The following ASB15 variants were observed in gnomAD, a reference collection of about 807,000 sequenced individuals.
ASB15 encodes the protein ankyrin repeat and SOCS box protein 15.
A neutral mutation model predicts 58.0 loss-of-function variants in ASB15; 54 were observed. The ratio of observed to expected loss-of-function variants is 0.93; its 90% confidence interval spans 0.75 to 1.17. The LOEUF (loss-of-function observed/expected upper bound fraction) is 1.17, where lower values mean the gene tolerates loss of function less well. Among genes scored for constraint, ASB15 ranks in the 50% most tolerant of loss-of-function variants. The pLI is 0.00. For synonymous variants in ASB15, 249 were observed against 262.4 expected (o/e 0.95, Z 0.50); for missense variants, 680 against 707.4 (o/e 0.96, Z 0.44).
intron 7 of ASB15, among the ~76,000 whole-genome samples, chr7:123,618,188 G>C (rs1800950904): frequency 6.6e-6 from 1 of 152,200 alleles, no homozygotes; most frequent in African/African-American, 2.4e-5. Flanking sequence ...CAGATGCAGA[G>C]CATGGCACCT....
At chr7:123,589,556 T>C (rs1799473840) in intron 1 of ASB15, among the ~76,000 whole-genome samples, 1 of 151,958 alleles carries the variant, frequency 6.6e-6, no homozygotes, top group African/African-American at 2.4e-5. Flanking sequence ...CACTTATGAG[T>C]GAGAATATGC....
intron 1 of ASB15, among the ~76,000 whole-genome samples, chr7:123,568,215 A>C (rs529143262): frequency 1.1e-4 from 16 of 152,158 alleles, no homozygotes; most frequent in Non-Finnish European, 2.1e-4. Flanking sequence ...AGTTGTCTCT[A>C]TTGAAAATTA....
rs569187540 is a variant in ASB15, at chr7:123,637,790, C to G, written c.*809C>G. On this transcript the variant is annotated 3_prime_UTR_variant, in exon 12 of 12. Coordinates refer to ENST00000451215, the MANE Select transcript of ASB15 (RefSeq NM_001290258.2). ...TTCCATCCAAAGCTCAGCTCTTTCT[C>G]TCATGTTCTCCTGACCTATGTAGAC... 2 of 149,488 alleles carry G rather than the reference C, an allele frequency of 1.3e-5. No homozygotes were observed. The highest frequency in any genetic ancestry group is 4.0e-4 in the East Asian group (2 of 4,964). 9.3% of individuals were successfully genotyped at this position (149,488 alleles called of 1,614,324 possible).
At chr7:123,573,245 T>TC (rs1006010880) in intron 1 of ASB15, among the ~76,000 whole-genome samples, 8 of 150,346 alleles carry the variant, frequency 5.3e-5, no homozygotes, top group East Asian at 2.0e-4. Flanking sequence ...TCACCAAGCT[T>TC]CCCCCCCGCC....
intron 3 of ASB15, 44 bp from the exon 4 acceptor site, chr7:123,614,457 A>T (rs747956623): frequency 8.7e-6 from 11 of 1,261,092 alleles, no homozygotes; most frequent in Non-Finnish European, 1.1e-5. Flanking sequence ...GTTTTGGGCC[A>T]TTTCTTGATA....
chr7:123,614,322 T>A (rs1584777851), intron 3 of ASB15, 179 bp from the exon 4 acceptor site: 1 of 528,030 alleles, frequency 1.9e-6, no homozygotes, highest in South Asian at 2.7e-5. Context: ...ACCATTTAAG[T>A]TAATAAAATG....
intron 1 of ASB15, among the ~76,000 whole-genome samples, chr7:123,568,398 T>A (rs1282145267): frequency 1.3e-5 from 2 of 151,632 alleles, no homozygotes; most frequent in East Asian, 3.9e-4. Flanking sequence ...CGCATGCTTG[T>A]AATCCCACCT....
intron 2 of ASB15, among the ~76,000 whole-genome samples, chr7:123,605,694 C>A (rs1800113587): frequency 6.6e-6 from 1 of 152,064 alleles, no homozygotes; most frequent in Admixed American, 6.6e-5. Flanking sequence ...TCCTTTGCAG[C>A]AACATGGATG....
intron 8 of ASB15, 116 bp downstream of exon 8, chr7:123,624,930 T>G (rs759228697): frequency 8.2e-5 from 106 of 1,289,686 alleles, no homozygotes; most frequent in Non-Finnish European, 1.1e-4. Context: ...CTTCCTCTGC[T>G]GAATGGAACT....
intron 3 of ASB15, among the ~76,000 whole-genome samples, chr7:123,610,656 G>C (rs2116473712): frequency 6.6e-6 from 1 of 152,272 alleles, no homozygotes; most frequent in Non-Finnish European, 1.5e-5. Context: ...TCTGGAGGGA[G>C]AATCCATAGC....
chr7:123,598,616 C>T (rs534936389), upstream of ASB15, among the ~76,000 whole-genome samples: 1 of 152,290 alleles, frequency 6.6e-6, no homozygotes, highest in African/African-American at 2.4e-5. Context: ...TTGAACAAGT[C>T]ATCAGTGTTC....
chr7:123,567,656 G>A (rs1409002475), intron 1 of ASB15, among the ~76,000 whole-genome samples: 1 of 152,112 alleles, frequency 6.6e-6, no homozygotes, highest in Non-Finnish European at 1.5e-5. Flanking sequence ...CCACTCAACA[G>A]GAAGAAAGCA....
chr7:123,610,903 G>C (rs2116475117), intron 3 of ASB15, among the ~76,000 whole-genome samples: 1 of 151,760 alleles, frequency 6.6e-6, no homozygotes, highest in East Asian at 1.9e-4. Flanking sequence ...AGCACATTGC[G>C]GGGGCCCATC....
At chr7:123,607,464 T>C (rs1332545950) in intron 2 of ASB15, among the ~76,000 whole-genome samples, 2 of 152,148 alleles carry the variant, frequency 1.3e-5, no homozygotes, top group Non-Finnish European at 2.9e-5. Context: ...TTTTTTTACA[T>C]CTCTGATTAT....
chr7:123,585,132 A>G (rs928173016), intron 1 of ASB15: 4 of 151,900 alleles, frequency 2.6e-5, no homozygotes, highest in African/African-American at 7.2e-5. Flanking sequence ...TAGCATTTCC[A>G]TGACTTTGTT....
At chr7:123,619,803 G>A (rs899993788) in intron 7 of ASB15, among the ~76,000 whole-genome samples, 11 of 152,134 alleles carry the variant, frequency 7.2e-5, no homozygotes, top group African/African-American at 2.4e-4. Context: ...GATTACAGGC[G>A]TGAGCCACCG....
chr7:123,590,737 C>A (rs1799512530), intron 1 of ASB15, among the ~76,000 whole-genome samples: 1 of 152,112 alleles, frequency 6.6e-6, no homozygotes, highest in African/African-American at 2.4e-5. Flanking sequence ...TAGCGTGATG[C>A]CTCCAACTTT....
At chr7:123,623,471 C>A (rs1801468618) in intron 7 of ASB15, among the ~76,000 whole-genome samples, 1 of 152,150 alleles carries the variant, frequency 6.6e-6, no homozygotes. Context: ...TTTGGTGAAC[C>A]TCCTTAATTG....
At position 123,604,013 on chromosome 7, in the gene ASB15, T is replaced by C. The variant is rs1800014732; in HGVS notation, c.-244-19T>C. 1 of 152,220 alleles carries C rather than the reference T, an allele frequency of 6.6e-6. No individual in the cohort carries two copies. Among genetic ancestry groups the C allele is most frequent in the Non-Finnish European group, 1.5e-5 (1 of 68,062 alleles). 9.4% of individuals were successfully genotyped at this position (152,220 alleles called of 1,614,324 possible). ...AGTGTCACTTTTAGAAAGAAATGGATAAACAAATGTGTTTCCAGGAAAGCA... is the reference window on the plus strand; with the variant it reads ...AGTGTCACTTTTAGAAAGAAATGGACAAACAAATGTGTTTCCAGGAAAGCA... On this transcript the variant is annotated intron_variant, in intron 1 of 11. Coordinates refer to ENST00000451215, the MANE Select transcript of ASB15 (RefSeq NM_001290258.2).
Sources: allele counts gnomAD v4.1 joint callset (sites outside exome capture counted in the v4.1 genomes callset), GRCh38; gene constraint gnomAD v4.1.1; transcripts MANE v1.5; gene names NCBI Gene and HGNC (gene_info 2026-07-23, HGNC 2026-07-21).